USP43: variants seen among roughly 807,000 people sequenced by gnomAD.
USP43 encodes ubiquitin carboxyl-terminal hydrolase 43.
USP43 carries 33 observed loss-of-function variants against 90.7 expected under a neutral mutation model. The ratio of observed to expected loss-of-function variants is 0.36; its 90% CI spans 0.28 to 0.49. The LOEUF (loss-of-function observed/expected upper bound fraction) is 0.49, where lower values mean the gene tolerates loss of function less well. Ranked by LOEUF, USP43 falls within the 20% of genes least tolerant of loss-of-function variation. USP43 has a pLI of 0.98. For missense variants in USP43, 1,274 were observed against 1,476.4 expected (o/e 0.86, Z 2.25); for synonymous variants, 598 against 615.8 (o/e 0.97, Z 0.43).
At position 9,678,863 on chromosome 17, in the gene USP43, T is replaced by A. The variant is rs937442530; in HGVS notation, c.970-1368T>A. ...TCATGTACATGTCAATATGTATATGTAAATATAATATATACATTATATTTC... is the reference window on the plus strand; with the variant it reads ...TCATGTACATGTCAATATGTATATGAAAATATAATATATACATTATATTTC... On this transcript the variant is annotated intron_variant, in intron 5 of 14. Transcript: ENST00000285199. Among the ~76,000 whole-genome samples the A allele has an allele frequency of 3.3e-5, 5 of 152,164 alleles. No individual in the cohort carries two copies. The East Asian group carries it at 9.7e-4, about 29-fold the overall frequency.
In USP43 at chr17:9,645,610, C is replaced by T. The variant is rs991460052; in HGVS notation, c.-23C>T. The T allele has an allele frequency of 5.0e-6, 6 of 1,189,754 alleles. No individual in the cohort carries two copies. The highest frequency in any genetic ancestry group is 6.2e-6 in the Non-Finnish European group (6 of 961,372). 73.7% of individuals were successfully genotyped at this position (1,189,754 alleles called of 1,614,324 possible). A position where few individuals can be genotyped will look rare whatever the true frequency, so the allele number is the denominator to read the frequency against. ...CGCCTCGCGCCCGGGGGCTCCGCGC[C>T]TGGAGCTGCGCCGGCGGCAGCCATG... On this transcript the variant is annotated 5_prime_UTR_variant, in exon 1 of 15. Transcript: ENST00000285199. This position sits in a 1 kb window ranked among gnomAD's most constrained non-coding sequence, Gnocchi z 6.8.
chr17:9,728,020 C>T lies in USP43; in HGVS notation c.2402C>T (p.Thr801Ile). Reference sequence around the variant, plus strand: ...AGAAGCATTAGCATGAAGGCACCCACCACTTCCCGAGCCAAGCAGGGACCA... The same window carrying T: ...AGAAGCATTAGCATGAAGGCACCCATCACTTCCCGAGCCAAGCAGGGACCA... ...KGRSISMKAP[T>I]TSRAKQGPFK... The change falls in exon 15 of 15, where the codon ACC (threonine) becomes ATC (isoleucine). Residue 801 changes from threonine (T) to isoleucine (I), a missense_variant. Physicochemically the swap from Thr to Ile is moderately conservative, Grantham distance 89 (BLOSUM62 -1). Transcript: ENST00000285199. This position sits in a 1 kb window ranked among gnomAD's most constrained non-coding sequence, Gnocchi z 6.2. 6.2e-7 allele frequency: 1 copy of T among 1,613,588 alleles called. No homozygotes were observed. Among genetic ancestry groups the T allele is most frequent in the Non-Finnish European group, 8.5e-7 (1 of 1,179,620 alleles).
chr17:9,645,442 G>A, upstream of USP43: 1 of 387,156 alleles, frequency 2.6e-6, no homozygotes, highest in Non-Finnish European at 4.0e-6. This position sits in a 1 kb window ranked among gnomAD's most constrained non-coding sequence, Gnocchi z 6.8. Flanking sequence ...CCCTGGAGGG[G>A]GCTGGTCGTG....
chr17:9,672,858 G>T (rs1913527128), intron 3 of USP43, among the ~76,000 whole-genome samples: 1 of 152,178 alleles, frequency 6.6e-6, no homozygotes, highest in Non-Finnish European at 1.5e-5. Context: ...GATCACCCAG[G>T]ATTGCCTCGG....
In USP43 at chr17:9,728,775, A is replaced by T. The variant is rs1410251730; in HGVS notation, c.3157A>T (p.Arg1053Trp). The change falls in exon 15 of 15, where the codon AGG becomes TGG. Residue 1053 changes from arginine to tryptophan, a missense_variant. By Grantham distance (101) the Arg-to-Trp change is moderately radical. Around this residue, in one of 6 missense-constraint regions of USP43, gnomAD observed 353 missense variants for 329.7 expected, o/e 1.07. Transcript: ENST00000285199. This position sits in a 1 kb window ranked among gnomAD's most constrained non-coding sequence, Gnocchi z 6.2. ...PALRIPEGLA[R>W]GLGSRLERDV... ...CCTCAGGATCCCAGAGGGCCTGGCCAGGGGCCTGGGCAGCCGGCTCGAGAG... is the reference window on the plus strand; with the variant it reads ...CCTCAGGATCCCAGAGGGCCTGGCCTGGGGCCTGGGCAGCCGGCTCGAGAG... The T allele has an allele frequency of 1.2e-6, 2 of 1,608,050 alleles. No homozygotes were observed. The highest frequency in any genetic ancestry group is 3.4e-5 in the Admixed American group (2 of 59,190).
intron 14 of USP43, among the ~76,000 whole-genome samples, chr17:9,714,598 G>A (rs1420427939): frequency 1.1e-4 from 17 of 150,326 alleles, no homozygotes; most frequent in Admixed American, 7.4e-4. Flanking sequence ...CAGGGGAATC[G>A]CTTGAACCTG....
At chr17:9,696,366 T>C (rs2151985243) in intron 9 of USP43, among the ~76,000 whole-genome samples, 1 of 152,234 alleles carries the variant, frequency 6.6e-6, no homozygotes, top group Admixed American at 6.5e-5. Context: ...ACTCCTGAGC[T>C]CAGGCAATCC....
chr17:9,693,309 T>A (rs1186209399), intron 9 of USP43, 79 bp downstream of exon 9: 3 of 1,162,522 alleles, frequency 2.6e-6, no homozygotes, highest in Non-Finnish European at 3.8e-6. Context: ...TATATGTCAA[T>A]GAGATTGCTC....
chr17:9,654,525 C>G lies in USP43; in HGVS notation c.505-1878C>G, dbSNP rs1912097445. Among the ~76,000 whole-genome samples, 8 of 152,000 alleles carry G rather than the reference C, an allele frequency of 5.3e-5. 1 individual carries two copies. The South Asian group carries it at 1.7e-3, about 32-fold the overall frequency. ...ATTAGCTGGGTGTGGTGGCAGGTGC[C>G]TGTAATCCCAGCTACTTGGGAGGCT... is the stretch of plus-strand genomic sequence containing the variant. On this transcript the variant is annotated intron_variant, in intron 1 of 14. Transcript: ENST00000285199.
At chr17:9,660,734 C>A (rs1912585225) in intron 2 of USP43, among the ~76,000 whole-genome samples, 1 of 152,186 alleles carries the variant, frequency 6.6e-6, no homozygotes, top group Non-Finnish European at 1.5e-5. Flanking sequence ...AGGGGCCAGG[C>A]ATGTTAGGAG....
At chr17:9,714,350 A>C (rs1008166224) in intron 14 of USP43, among the ~76,000 whole-genome samples, 1 of 152,184 alleles carries the variant, frequency 6.6e-6, no homozygotes, top group Non-Finnish European at 1.5e-5. Context: ...TGGATGGAAC[A>C]GTGCTGGCTG....
chr17:9,684,278 A>G (rs1423560382), intron 7 of USP43, among the ~76,000 whole-genome samples: 2 of 152,232 alleles, frequency 1.3e-5, no homozygotes, highest in Non-Finnish European at 2.9e-5. Context: ...TATATTTAAA[A>G]ATTTAAACTA....
chr17:9,679,612 G>A lies in USP43; in HGVS notation c.970-619G>A, dbSNP rs987373868. On this transcript the variant is annotated intron_variant, in intron 5 of 14. Coordinates refer to ENST00000285199, the MANE Select transcript of USP43 (RefSeq NM_153210.5). The stretch of plus-strand genomic sequence containing the variant: ...ACGATCTCGGCTCACTGCAAGCTCC[G>A]CCTCCCGGGTTCACACCATTCTCCT... Among the ~76,000 whole-genome samples, 46 of 138,368 alleles carry A rather than the reference G, an allele frequency of 3.3e-4. 1 individual carries two copies. The highest frequency in any genetic ancestry group is 4.9e-4 in the African/African-American group (18 of 37,042). 90.8% of individuals were successfully genotyped at this position (138,368 alleles called of 152,430 possible). A position where few individuals can be genotyped will look rare whatever the true frequency, so the allele number is the denominator to read the frequency against.
chr17:9,712,232 A>G lies in USP43; in HGVS notation c.2335+100A>G, dbSNP rs1481171582. On this transcript the variant is annotated intron_variant, in intron 14 of 14. Transcript: ENST00000285199. ...TGTCACTTCGTAGTCTTGAATGGAA[A>G]GGGTCCATCATTACGAGAGGTTTGT... 5 of 1,346,838 alleles carry G rather than the reference A, an allele frequency of 3.7e-6. No homozygotes were observed. The African/African-American group carries it at 7.5e-5, about 20-fold the overall frequency. 83.4% of individuals were successfully genotyped at this position (1,346,838 alleles called of 1,614,324 possible).
Position 9,709,657 on chromosome 17 carries a change from C to T in USP43, c.2012-299C>T, listed in dbSNP as rs1015646446. 1.3e-5 allele frequency among the ~76,000 whole-genome samples: 2 copies of T among 151,922 alleles called. No homozygotes were observed. The highest frequency in any genetic ancestry group is 1.9e-4 in the East Asian group (1 of 5,172). On this transcript the variant is annotated intron_variant, in intron 12 of 14. Coordinates refer to ENST00000285199, the MANE Select transcript of USP43 (RefSeq NM_153210.5). This position sits in a 1 kb window ranked among gnomAD's most constrained non-coding sequence, Gnocchi z 5.0. ...CTGGAACCCGGGGGGTGGAGGTTGC[C>T]GTGAGCCGAGATCGCGCCACTTCAC...
rs371537626 is a variant in USP43 at position 9,728,259 on chromosome 17, C to T, written c.2641C>T (p.Arg881Trp). ...ALPANSEDGG[R>W]AIERGPAGVP... ...TCCTGCTAACAGCGAAGATGGTGGGCGGGCCATTGAAAGAGGTCCAGCCGG... is the reference window on the plus strand; with the variant it reads ...TCCTGCTAACAGCGAAGATGGTGGGTGGGCCATTGAAAGAGGTCCAGCCGG... Residue 881 changes from arginine (R) to tryptophan (W), a missense_variant, in exon 15 of 15, where the codon CGG becomes TGG. Arg to Trp is a moderately radical substitution (Grantham distance 101). This residue lies in a region of USP43 where 353 missense variants were observed against 329.7 expected (regional missense o/e 1.07). Coordinates refer to ENST00000285199, the MANE Select transcript of USP43 (RefSeq NM_153210.5). The surrounding 1 kb of genome is among the most constrained non-coding windows in gnomAD (Gnocchi z 6.2). The T allele has an allele frequency of 2.7e-5, 43 of 1,613,422 alleles. No homozygotes were observed. The highest frequency in any genetic ancestry group is 6.7e-5 in the Admixed American group (4 of 59,936).
chr17:9,721,932 G>A (rs982702409), intron 14 of USP43, among the ~76,000 whole-genome samples: 10 of 150,548 alleles, frequency 6.6e-5, no homozygotes, highest in African/African-American at 2.4e-4. Flanking sequence ...GTACAGATAG[G>A]GTTTCATCAT....
intron 9 of USP43, among the ~76,000 whole-genome samples, chr17:9,693,999 A>G (rs994583286): frequency 2.0e-5 from 3 of 152,238 alleles, no homozygotes; most frequent in Non-Finnish European, 4.4e-5. Flanking sequence ...GCTTAAAGCC[A>G]GTGTGGCTGT....
chr17:9,717,821 G>T (rs1255160041), intron 14 of USP43, among the ~76,000 whole-genome samples: 3 of 145,974 alleles, frequency 2.1e-5, no homozygotes, highest in African/African-American at 5.1e-5. Flanking sequence ...TTTTTGAGGC[G>T]GAGTCTTGTT....
Sources: allele counts gnomAD v4.1 joint callset (sites outside exome capture counted in the v4.1 genomes callset), GRCh38; gene constraint gnomAD v4.1.1; regional missense constraint gnomAD v4.1.1; non-coding constraint Gnocchi (gnomAD v3.1); transcripts MANE v1.5; gene names NCBI Gene and HGNC (gene_info 2026-07-23, HGNC 2026-07-21).